The following RAB10 variants were observed in gnomAD, a reference collection of about 807,000 sequenced individuals.
RAB10 encodes the protein ras-related protein Rab-10.
Under a neutral mutation model 25.7 loss-of-function variants are expected in RAB10, and 5 were observed. The observed-to-expected ratio is 0.19, with a 90% CI of 0.10 to 0.41. RAB10 has a LOEUF of 0.41. Among genes scored for constraint, RAB10 ranks in the 10% least tolerant of loss-of-function variants. RAB10 has a pLI of 1.00. For missense variants in RAB10, 103 were observed against 245.8 expected, an observed-to-expected ratio of 0.42 and a Z score of 3.89; for synonymous variants, 89 against 86.4, an observed-to-expected ratio of 1.03 and a Z score of -0.16.
At chr2:26,087,625 C>G (rs1667014985) in intron 1 of RAB10, among the ~76,000 whole-genome samples, 1 of 152,222 alleles carries the variant, frequency 6.6e-6, no homozygotes, top group Admixed American at 6.5e-5. Context: ...TGGTCTCAAA[C>G]TCCTGACCTC....
chr2:26,059,060 C>T (rs927768845), intron 1 of RAB10, among the ~76,000 whole-genome samples: 1 of 152,160 alleles, frequency 6.6e-6, no homozygotes, highest in South Asian at 2.1e-4. Context: ...TTCTAGTGAT[C>T]TCTAAATCAT....
intron 5 of RAB10, among the ~76,000 whole-genome samples, chr2:26,131,174 G>T (rs1164059708): frequency 6.6e-6 from 1 of 151,720 alleles, no homozygotes; most frequent in African/African-American, 2.4e-5. Flanking sequence ...TAGACTTGCA[G>T]GGGTGTCCAA....
chr2:26,066,981 C>T (rs1666527594), intron 1 of RAB10, among the ~76,000 whole-genome samples: 2 of 151,978 alleles, frequency 1.3e-5, no homozygotes, highest in African/African-American at 4.8e-5. Flanking sequence ...GGGGTTTATC[C>T]ACATTGGCCA....
rs907561894 is a variant in RAB10 at position 26,122,494 on chromosome 2, G to A, written c.328-4650G>A. ...ATACAAAAAATTAGCCAGGCGTGGT[G>A]GCGGGCGCCTGTAGTCCCAGCCACT... On this transcript the variant is annotated intron_variant, in intron 3 of 5. Coordinates refer to ENST00000264710, the MANE Select transcript of RAB10 (RefSeq NM_016131.5). Among the ~76,000 whole-genome samples the A allele has an allele frequency of 6.6e-5, 10 of 152,202 alleles. No homozygotes were observed. The South Asian group carries it at 1.2e-3, about 19-fold the overall frequency.
chr2:26,033,733 G>A (rs112739685), upstream of RAB10, among the ~76,000 whole-genome samples: 10 of 152,236 alleles, frequency 6.6e-5, no homozygotes, highest in African/African-American at 2.4e-4. Flanking sequence ...ACCCCGGGAG[G>A]GGAAGGAGGT....
At chr2:26,075,157 G>C (rs928020432) in intron 1 of RAB10, among the ~76,000 whole-genome samples, 2 of 152,156 alleles carry the variant, frequency 1.3e-5, no homozygotes, top group African/African-American at 4.8e-5. Flanking sequence ...AAGATGCCAA[G>C]GTGAGATAAG....
At position 26,073,388 on chromosome 2, in the gene RAB10, T is replaced by C. The variant is rs531060302; in HGVS notation, c.128-25274T>C. ...GATTAAGCAAGAACTGTTCTCGTTG[T>C]TACTACTGGTAAAACTATTGGGCTA... is the stretch of plus-strand genomic sequence containing the variant. On this transcript the variant is annotated intron_variant, in intron 1 of 5. Transcript: ENST00000264710. 4.3e-4 allele frequency among the ~76,000 whole-genome samples: 65 copies of C among 152,334 alleles called. 2 individuals are homozygous for C. In the South Asian group the frequency reaches 0.013, roughly 30 times the overall value.
chr2:26,053,318 C>T (rs1666175153), intron 1 of RAB10, among the ~76,000 whole-genome samples: 1 of 152,084 alleles, frequency 6.6e-6, no homozygotes, highest in Non-Finnish European at 1.5e-5. Context: ...CACCACTATC[C>T]AGATCAGTGA....
intron 2 of RAB10, among the ~76,000 whole-genome samples, chr2:26,103,898 T>C (rs998438947): frequency 6.6e-6 from 1 of 152,222 alleles, no homozygotes; most frequent in Non-Finnish European, 1.5e-5. Context: ...GTCTGTGTTG[T>C]ACATGAATCA....
At chr2:26,064,633 C>G (rs1293110241) in intron 1 of RAB10, among the ~76,000 whole-genome samples, 1 of 152,134 alleles carries the variant, frequency 6.6e-6, no homozygotes, top group Admixed American at 6.5e-5. Context: ...TGCTGGGAGC[C>G]ACTGTGCACA....
intron 3 of RAB10, among the ~76,000 whole-genome samples, chr2:26,126,767 A>G (rs934028719): frequency 2.0e-5 from 3 of 152,218 alleles, no homozygotes; most frequent in East Asian, 3.8e-4. Context: ...TTAAGGCTCT[A>G]TAAAATGTTT....
chr2:26,070,788 A>G (rs956590967), intron 1 of RAB10, among the ~76,000 whole-genome samples: 3 of 152,196 alleles, frequency 2.0e-5, no homozygotes, highest in African/African-American at 2.4e-5. Context: ...GAAGCATCCC[A>G]TTGTATGGCA....
chr2:26,033,330 C>T (rs1180453061), upstream of RAB10, among the ~76,000 whole-genome samples: 1 of 152,200 alleles, frequency 6.6e-6, no homozygotes, highest in African/African-American at 2.4e-5. Flanking sequence ...GAGCACCGCA[C>T]AGAACCCTCC....
intron 1 of RAB10, among the ~76,000 whole-genome samples, chr2:26,061,282 A>C (rs534882003): frequency 6.6e-6 from 1 of 151,618 alleles, no homozygotes; most frequent in East Asian, 1.9e-4. Flanking sequence ...GGTCCGGCTA[A>C]TTTTTTGTGA....
intron 1 of RAB10, among the ~76,000 whole-genome samples, chr2:26,051,540 A>G (rs1486237538): frequency 6.6e-6 from 1 of 151,086 alleles, no homozygotes; most frequent in Non-Finnish European, 1.5e-5. Context: ...GAACGAGGTC[A>G]AGAGATCGAG....
At chr2:26,114,561 C>T (rs568431583) in intron 3 of RAB10, among the ~76,000 whole-genome samples, 47 of 152,012 alleles carry the variant, frequency 3.1e-4, no homozygotes, top group Non-Finnish European at 6.0e-4. Flanking sequence ...GAAAGTTAGA[C>T]ACCTACTTCA....
chr2:26,111,356 G>A (rs1207616300), intron 3 of RAB10, among the ~76,000 whole-genome samples: 1 of 152,132 alleles, frequency 6.6e-6, no homozygotes, highest in Non-Finnish European at 1.5e-5. Flanking sequence ...TGTAATCCCA[G>A]CACTCTGGGA....
intron 1 of RAB10, among the ~76,000 whole-genome samples, chr2:26,053,305 T>A (rs1181513561): frequency 2.0e-5 from 3 of 152,198 alleles, no homozygotes; most frequent in Non-Finnish European, 2.9e-5. Flanking sequence ...GTCCAAGTAG[T>A]TCCACCACTA....
At chr2:26,112,938 C>T (rs549189213) in intron 3 of RAB10, among the ~76,000 whole-genome samples, 35 of 151,902 alleles carry the variant, frequency 2.3e-4, no homozygotes, top group Admixed American at 1.4e-3. Flanking sequence ...AAAAATTAGC[C>T]GGGCATGATG....
Sources: gnomAD v4.1 joint callset for allele counts (sites outside exome capture counted in the v4.1 genomes callset) on GRCh38, gnomAD v4.1.1 for gene constraint, MANE v1.5 for transcripts, NCBI Gene and HGNC (gene_info 2026-07-23, HGNC 2026-07-21) for gene names.